The following RALGAPA1 variants were observed in gnomAD, a reference collection of about 807,000 sequenced individuals.
RALGAPA1 encodes Ral GTPase activating protein catalytic subunit alpha 1.
A neutral mutation model predicts 269.6 loss-of-function variants in RALGAPA1; 52 were observed. The ratio of observed to expected loss-of-function variants is 0.19; its 90% confidence interval spans 0.15 to 0.24. The LOEUF is 0.24. Among genes scored for constraint, RALGAPA1 ranks in the 10% least tolerant of loss-of-function variants. RALGAPA1 has a pLI of 1.00. For synonymous variants in RALGAPA1, 817 were observed against 1,008.3 expected, an observed-to-expected ratio of 0.81 and a Z score of 3.60; for missense variants, 1,917 against 3,013.9, an observed-to-expected ratio of 0.64 and a Z score of 8.52.
intron 14 of RALGAPA1, 43 bp from the exon 15 acceptor site, chr14:35,723,307 T>C: frequency 9.1e-7 from 1 of 1,102,038 alleles, no homozygotes; most frequent in East Asian, 2.5e-5. Flanking sequence ...ATGTGTTTAG[T>C]GTGTGACTTC....
chr14:35,641,992 T>A (rs2062060329), intron 31 of RALGAPA1, among the ~76,000 whole-genome samples: 1 of 152,086 alleles, frequency 6.6e-6, no homozygotes, highest in Non-Finnish European at 1.5e-5. Context: ...ATATATATTA[T>A]GGAAAGGACA....
intron 5 of RALGAPA1, among the ~76,000 whole-genome samples, chr14:35,761,716 T>A (rs963906760): frequency 6.6e-6 from 1 of 152,046 alleles, no homozygotes; most frequent in Non-Finnish European, 1.5e-5. Context: ...TAGAGGAAAA[T>A]TCAATCTCTG....
chr14:35,581,604 C>T (rs1278680672), intron 37 of RALGAPA1, among the ~76,000 whole-genome samples: 1 of 151,906 alleles, frequency 6.6e-6, no homozygotes, highest in East Asian at 1.9e-4. Flanking sequence ...AGAGTATATA[C>T]AAATAGGCAA....
intron 10 of RALGAPA1, among the ~76,000 whole-genome samples, chr14:35,743,909 T>C (rs909183894): frequency 1.3e-5 from 2 of 152,044 alleles, no homozygotes; most frequent in African/African-American, 4.8e-5. Flanking sequence ...TTAAAAAAAA[T>C]ATTTTCCTTA....
At chr14:35,804,271 C>CAAAT (rs2077195231) in intron 1 of RALGAPA1, among the ~76,000 whole-genome samples, 1 of 146,992 alleles carries the variant, frequency 6.8e-6, no homozygotes, top group South Asian at 2.2e-4. Flanking sequence ...CAAAAACAAA[C>CAAAT]AAAAAATTGT....
intron 16 of RALGAPA1, among the ~76,000 whole-genome samples, chr14:35,717,592 C>T (rs989134942): frequency 7.9e-5 from 12 of 151,894 alleles, no homozygotes; most frequent in Middle Eastern, 3.2e-3. Context: ...ACAAGAGTCT[C>T]GCTCTGCCTA....
intron 1 of RALGAPA1, among the ~76,000 whole-genome samples, chr14:35,776,987 T>G (rs908469637): frequency 1.3e-5 from 2 of 152,160 alleles, no homozygotes; most frequent in African/African-American, 4.8e-5. Flanking sequence ...TCTGGGTCCC[T>G]CTTGGAAGAG....
chr14:35,600,894 C>A (rs1245535000), intron 36 of RALGAPA1, among the ~76,000 whole-genome samples: 3 of 152,128 alleles, frequency 2.0e-5, no homozygotes, highest in East Asian at 3.8e-4. Context: ...GAAATGTACA[C>A]ATTTTCATAA....
At chr14:35,571,468 A>G (rs2057185065) in intron 38 of RALGAPA1, among the ~76,000 whole-genome samples, 1 of 151,978 alleles carries the variant, frequency 6.6e-6, no homozygotes, top group Admixed American at 6.6e-5. Flanking sequence ...TGAAGTCAAG[A>G]GTTCGAGACC....
chr14:35,552,161 A>T (rs1027405245), intron 39 of RALGAPA1, among the ~76,000 whole-genome samples: 2 of 152,126 alleles, frequency 1.3e-5, no homozygotes, highest in Non-Finnish European at 2.9e-5. Context: ...TACAGGACTT[A>T]CATCCCCCCC....
chr14:35,735,110 G>A (rs2141081567), intron 12 of RALGAPA1, among the ~76,000 whole-genome samples: 1 of 152,170 alleles, frequency 6.6e-6, no homozygotes, highest in Non-Finnish European at 1.5e-5. Flanking sequence ...TACATTGCTG[G>A]TGGGGATGTG....
intron 41 of RALGAPA1, among the ~76,000 whole-genome samples, chr14:35,543,092 A>G (rs532936620): frequency 6.6e-6 from 1 of 152,330 alleles, no homozygotes; most frequent in East Asian, 1.9e-4. Flanking sequence ...TGTTAGAAAG[A>G]ACATGGGCAT....
chr14:35,551,630 A>G (rs969769075), intron 39 of RALGAPA1, among the ~76,000 whole-genome samples: 2 of 152,158 alleles, frequency 1.3e-5, no homozygotes, highest in Admixed American at 1.3e-4. Flanking sequence ...AAAGAAAGCA[A>G]ATGTTAATAT....
chr14:35,713,543 A>T (rs1359080025), intron 16 of RALGAPA1, among the ~76,000 whole-genome samples: 3 of 152,242 alleles, frequency 2.0e-5, no homozygotes, highest in Non-Finnish European at 4.4e-5. Flanking sequence ...CTCAATGATG[A>T]GGAGGAATCC....
intron 39 of RALGAPA1, among the ~76,000 whole-genome samples, chr14:35,554,692 G>A (rs993895937): frequency 1.3e-5 from 2 of 152,138 alleles, no homozygotes; most frequent in African/African-American, 4.8e-5. Flanking sequence ...ATTCTTGGGG[G>A]CAGATTTGGT....
intron 39 of RALGAPA1, among the ~76,000 whole-genome samples, chr14:35,560,597 T>A (rs2056117483): frequency 6.6e-6 from 1 of 152,196 alleles, no homozygotes; most frequent in South Asian, 2.1e-4. Flanking sequence ...ATTGCTTAAG[T>A]TTATCATTAG....
intron 36 of RALGAPA1, among the ~76,000 whole-genome samples, chr14:35,597,063 T>A (rs1388876073): frequency 6.6e-6 from 1 of 152,160 alleles, no homozygotes; most frequent in Non-Finnish European, 1.5e-5. Context: ...AGTCCCCTAC[T>A]TGAAGGACAT....
intron 16 of RALGAPA1, among the ~76,000 whole-genome samples, chr14:35,720,171 C>T (rs1324957687): frequency 6.6e-6 from 1 of 152,016 alleles, no homozygotes; most frequent in Non-Finnish European, 1.5e-5. Flanking sequence ...AGTAAAATTC[C>T]CATTATATTC....
At chr14:35,747,690 C>A (rs1056065526) in intron 10 of RALGAPA1, among the ~76,000 whole-genome samples, 1 of 152,104 alleles carries the variant, frequency 6.6e-6, no homozygotes, top group Non-Finnish European at 1.5e-5. Context: ...GAAGATCTAC[C>A]ACTTACTTGC....
Sources: gnomAD v4.1 joint callset for allele counts (sites outside exome capture counted in the v4.1 genomes callset) on GRCh38, gnomAD v4.1.1 for gene constraint, MANE v1.5 for transcripts, NCBI Gene and HGNC (gene_info 2026-07-23, HGNC 2026-07-21) for gene names.